Variants in FOXP1 observed in about 807,000 individuals in gnomAD.
The protein encoded by FOXP1 is forkhead box P1.
Under a neutral mutation model 98.2 loss-of-function variants are expected in FOXP1, and 15 were observed. That is an observed-to-expected ratio of 0.15 (90% CI 0.10 to 0.24). The LOEUF is 0.24. Among genes scored for constraint, FOXP1 ranks in the 10% least tolerant of loss-of-function variants. The pLI is 1.00. For missense variants in FOXP1, 633 were observed against 848.5 expected (o/e 0.75, Z 3.15); for synonymous variants, 371 against 314.5 (o/e 1.18, Z -1.90).
At chr3:71,283,169 C>T (rs1376981408) in intron 5 of FOXP1, among the ~76,000 whole-genome samples, 2 of 152,184 alleles carry the variant, frequency 1.3e-5, no homozygotes, top group Admixed American at 1.3e-4. Context: ...CTTTCAATTT[C>T]CCTTCCTTTC....
chr3:71,097,309 T>G (rs2056554548), intron 7 of FOXP1, among the ~76,000 whole-genome samples: 1 of 152,212 alleles, frequency 6.6e-6, no homozygotes, highest in Non-Finnish European at 1.5e-5. Flanking sequence ...AAATGAATTT[T>G]TATTGGAATA....
chr3:71,476,657 A>ATTTTTTTTTTTTTTTTTTTTTTTT (rs55733297), intron 3 of FOXP1, among the ~76,000 whole-genome samples: 1 of 134,480 alleles, frequency 7.4e-6, no homozygotes. Flanking sequence ...TGCCCAGCTA[A>ATTTTTTTTTTTTTTTTTTTTTTTT]TTTTTTTTTT....
chr3:71,224,136 T>C (rs931195508), intron 5 of FOXP1, among the ~76,000 whole-genome samples: 2 of 152,216 alleles, frequency 1.3e-5, no homozygotes, highest in South Asian at 2.1e-4. Flanking sequence ...CTGGTGAGGA[T>C]ATAGCAGAGG....
rs865838468 is a variant in FOXP1 at position 71,505,864 on chromosome 3, A to G, written c.-297-12309T>C. Among the ~76,000 whole-genome samples the G allele has an allele frequency of 2.6e-5, 4 of 152,182 alleles. No homozygotes were observed. The South Asian group carries it at 6.2e-4, about 24-fold the overall frequency. On this transcript the variant is annotated intron_variant, in intron 2 of 20. Transcript: ENST00000649528. ...AATGTCACCTGTCACTAAAGTCTAA[A>G]GGATGAGATTATCACTTCCGCCCGG...
At chr3:71,320,422 A>T (rs1248941429) in intron 4 of FOXP1, among the ~76,000 whole-genome samples, 1 of 151,722 alleles carries the variant, frequency 6.6e-6, no homozygotes, top group Non-Finnish European at 1.5e-5. Flanking sequence ...TCTTGTCTCT[A>T]AGCCGCTGCA....
chr3:71,478,874 T>C (rs1400210415), intron 3 of FOXP1, among the ~76,000 whole-genome samples: 1 of 152,182 alleles, frequency 6.6e-6, no homozygotes, highest in Non-Finnish European at 1.5e-5. Context: ...AAGATACCCA[T>C]GCCCAGTAAC....
rs376726146 is a variant in FOXP1, at chr3:71,528,739, C to T, written c.-297-35184G>A. Among the ~76,000 whole-genome samples the T allele has an allele frequency of 2.6e-5, 4 of 152,194 alleles. No individual in the cohort carries two copies. In the East Asian group the frequency reaches 7.7e-4, roughly 29 times the overall value. ...GAATATGGGAAGAAGGCATACAAAA[C>T]ATGTGACATTTAAGATAGTTTACCC... On this transcript the variant is annotated intron_variant, in intron 2 of 20. Transcript: ENST00000649528.
chr3:71,188,270 T>C (rs1401948437), intron 6 of FOXP1, among the ~76,000 whole-genome samples: 1 of 152,206 alleles, frequency 6.6e-6, no homozygotes, highest in Non-Finnish European at 1.5e-5. Context: ...GATTAAAAGT[T>C]ATTGGATTTG....
At chr3:71,511,864 C>A (rs1425577335) in intron 2 of FOXP1, among the ~76,000 whole-genome samples, 1 of 152,146 alleles carries the variant, frequency 6.6e-6, no homozygotes, top group Non-Finnish European at 1.5e-5. Flanking sequence ...GATGTAAACA[C>A]ATGAAAATGT....
chr3:71,108,704 G>A (rs975450948), intron 7 of FOXP1, among the ~76,000 whole-genome samples: 1 of 152,278 alleles, frequency 6.6e-6, no homozygotes, highest in Non-Finnish European at 1.5e-5. Flanking sequence ...GACGGAGGTT[G>A]CAGTGAGCCG....
At chr3:71,118,209 T>G (rs1309661806) in intron 6 of FOXP1, among the ~76,000 whole-genome samples, 2 of 152,228 alleles carry the variant, frequency 1.3e-5, no homozygotes, top group African/African-American at 4.8e-5. Flanking sequence ...CTGGACATTT[T>G]TGACACACCT....
intron 12 of FOXP1, among the ~76,000 whole-genome samples, chr3:71,014,089 C>T (rs538910681): frequency 8.5e-5 from 13 of 152,174 alleles, no homozygotes; most frequent in African/African-American, 2.9e-4. Flanking sequence ...AGGGCATAGG[C>T]ATGGGCAAGG....
chr3:71,059,084 T>C (rs1392904912), intron 7 of FOXP1, among the ~76,000 whole-genome samples: 2 of 152,196 alleles, frequency 1.3e-5, no homozygotes, highest in Non-Finnish European at 2.9e-5. Context: ...GTTCTCTCAG[T>C]AACAATACAA....
chr3:71,058,330 A>G (rs967575927), intron 7 of FOXP1, among the ~76,000 whole-genome samples: 9 of 152,204 alleles, frequency 5.9e-5, no homozygotes, highest in Non-Finnish European at 1.3e-4. Context: ...AATAATAAAA[A>G]GAGAAGATAA....
At chr3:71,129,939 G>C (rs1335296192) in intron 6 of FOXP1, among the ~76,000 whole-genome samples, 2 of 152,158 alleles carry the variant, frequency 1.3e-5, no homozygotes, top group Non-Finnish European at 2.9e-5. Flanking sequence ...AGCCCACTCC[G>C]TTGAAACAAT....
At chr3:71,308,142 T>G in intron 4 of FOXP1, among the ~76,000 whole-genome samples, 1 of 140,394 alleles carries the variant, frequency 7.1e-6, no homozygotes, top group East Asian at 2.2e-4. Context: ...TGAGAGAAAA[T>G]GCAGGGGGAA....
intron 4 of FOXP1, among the ~76,000 whole-genome samples, chr3:71,323,191 G>A (rs917028069): frequency 2.0e-5 from 3 of 151,994 alleles, no homozygotes; most frequent in Non-Finnish European, 4.4e-5. Context: ...GGCTGGTCTC[G>A]AACTCCTGAC....
chr3:71,237,231 GAAAAAAAAAAAAAAAAAAA>G (rs757405755), intron 5 of FOXP1, among the ~76,000 whole-genome samples: 1 of 28,270 alleles, frequency 3.5e-5, no homozygotes, highest in Non-Finnish European at 5.8e-5. Flanking sequence ...GACTCCATCT[GAAAAAAAAAAAAAAAAAAA>G]AAAAAAAAAA....
At chr3:71,460,027 G>A (rs191886570) in intron 3 of FOXP1, among the ~76,000 whole-genome samples, 4 of 150,784 alleles carry the variant, frequency 2.7e-5, no homozygotes, top group East Asian at 2.0e-4. Flanking sequence ...TCTGCCTCCC[G>A]GGTTCACGCC....
Sources: allele counts gnomAD v4.1 joint callset (sites outside exome capture counted in the v4.1 genomes callset), GRCh38; gene constraint gnomAD v4.1.1; transcripts MANE v1.5; gene names NCBI Gene and HGNC (gene_info 2026-07-23, HGNC 2026-07-21).